Variants in ZNF516 observed in about 807,000 individuals in gnomAD.
ZNF516 encodes zinc finger protein 516.
Under a neutral mutation model 79.7 loss-of-function variants are expected in ZNF516, and 19 were observed. That is an observed-to-expected ratio of 0.24 (90% CI 0.17 to 0.35). The LOEUF (loss-of-function observed/expected upper bound fraction) is 0.35. Among genes scored for constraint, ZNF516 ranks in the 10% least tolerant of loss-of-function variants. ZNF516 has a pLI of 1.00. For synonymous variants in ZNF516, 877 were observed against 739.5 expected, an observed-to-expected ratio of 1.19 and a Z score of -3.02; for missense variants, 1,678 against 1,679.5, an observed-to-expected ratio of 1.00 and a Z score of 0.02.
chr18:76,408,895 C>T (rs1273294208), intron 3 of ZNF516, among the ~76,000 whole-genome samples: 3 of 152,230 alleles, frequency 2.0e-5, no homozygotes, highest in Admixed American at 2.0e-4. Context: ...GCTCAGGACA[C>T]TGACGAGAGC....
chr18:76,423,474 G>A lies in ZNF516; in HGVS notation c.1810+17771C>T, dbSNP rs184216499. Among the ~76,000 whole-genome samples the A allele has an allele frequency of 1.7e-4, 25 of 151,222 alleles. No individual in the cohort carries two copies. In the East Asian group the frequency reaches 3.2e-3, roughly 19 times the overall value. The stretch of plus-strand genomic sequence containing the variant: ...GAAACACACACATGCAGGCGAAAAG[G>A]TTCCCCCCTGAAACACACACATGCC... On this transcript the variant is annotated intron_variant, in intron 3 of 6. Coordinates refer to ENST00000443185, the MANE Select transcript of ZNF516 (RefSeq NM_014643.4).
At chr18:76,437,462 ACT>A (rs201723654) in intron 3 of ZNF516, among the ~76,000 whole-genome samples, 2,444 of 150,410 alleles carry the variant, frequency 0.016, 67 homozygotes, top group African/African-American at 0.057. Flanking sequence ...TTCTTTGAAG[ACT>A]CTTTCCTTGA....
intron 2 of ZNF516, among the ~76,000 whole-genome samples, chr18:76,446,154 A>T (rs1343673573): frequency 6.6e-6 from 1 of 151,966 alleles, no homozygotes; most frequent in East Asian, 1.9e-4. Flanking sequence ...CTCCTCTGTC[A>T]GGCACAGAGA....
Position 76,362,739 on chromosome 18 carries a change from G to A in ZNF516, c.3433-182C>T, listed in dbSNP as rs140351776. Among the ~76,000 whole-genome samples the A allele has an allele frequency of 9.5e-4, 144 of 152,334 alleles. 2 individuals are homozygous for A. The highest frequency in any genetic ancestry group is 3.3e-3 in the African/African-American group (136 of 41,570). On this transcript the variant is annotated intron_variant, in intron 6 of 6. Coordinates refer to ENST00000443185, the MANE Select transcript of ZNF516 (RefSeq NM_014643.4). The stretch of plus-strand genomic sequence containing the variant: ...AGCTGTAACTCATTTCATAAAATGA[G>A]CAGCAAGTATTTCAAATGTGCCTTC...
intron 3 of ZNF516, among the ~76,000 whole-genome samples, chr18:76,434,995 G>C (rs1483347312): frequency 6.6e-6 from 1 of 152,214 alleles, no homozygotes; most frequent in Admixed American, 6.5e-5. Flanking sequence ...CCGTGTTTGA[G>C]CAATGCACAC....
At chr18:76,495,722 C>T (rs1384726600), upstream of ZNF516, 1 of 1,182,730 alleles carries the variant, frequency 8.5e-7, no homozygotes, top group East Asian at 8.9e-5. Context: ...CGGGTCCCGC[C>T]GGCGGGTACC....
Position 76,442,145 on chromosome 18 carries a change from T to C in ZNF516, c.910A>G (p.Ser304Gly). ...HMKAHGPKTG[S>G]KNRPKSELDP... Reference sequence around the variant, plus strand: ...AGCTCACTCTTGGGCCTGTTCTTGCTGCCCGTCTTGGGGCCGTGCGCCTTC... The same window carrying C: ...AGCTCACTCTTGGGCCTGTTCTTGCCGCCCGTCTTGGGGCCGTGCGCCTTC... Residue 304 changes from serine to glycine, a missense_variant, in exon 3 of 7, where the codon AGC becomes GGC. This residue lies in a region of ZNF516 where 1,294 missense variants were observed against 1,248.3 expected (regional missense o/e 1.04). Coordinates refer to ENST00000443185, the MANE Select transcript of ZNF516 (RefSeq NM_014643.4). 2 of 1,613,990 alleles carry C rather than the reference T, an allele frequency of 1.2e-6. No homozygotes were observed. The highest frequency in any genetic ancestry group is 1.7e-6 in the Non-Finnish European group (2 of 1,179,880).
chr18:76,429,280 T>C (rs1403388684), intron 3 of ZNF516, among the ~76,000 whole-genome samples: 1 of 152,186 alleles, frequency 6.6e-6, no homozygotes, highest in African/African-American at 2.4e-5. Context: ...CAATGGCACA[T>C]GCAGGCACAT....
At chr18:76,419,518 C>T (rs903570870) in intron 3 of ZNF516, among the ~76,000 whole-genome samples, 6 of 152,196 alleles carry the variant, frequency 3.9e-5, no homozygotes, top group African/African-American at 1.4e-4. Context: ...GATCCGGCTG[C>T]GTCCCCACCC....
Position 76,378,977 on chromosome 18 carries a change from G to A in ZNF516, c.3137C>T (p.Pro1046Leu), listed in dbSNP as rs370924264. The A allele has an allele frequency of 3.0e-5, 49 of 1,613,476 alleles. No individual in the cohort carries two copies. Among genetic ancestry groups the A allele is most frequent in the Admixed American group, 1.2e-4 (7 of 60,012 alleles). ...PPVLHSIKQE[P>L]VAEGHEKRLD... is the part of the protein sequence containing the mutation. ...GCGCTTCTCATGCCCCTCGGCCACC[G>A]GCTCCTGTTTGATGGAGTGTAGGAC... Residue 1046 changes from proline (P) to leucine (L), a missense_variant, in exon 4 of 7, where the codon CCG (proline) becomes CTG (leucine). Physicochemically the swap from Pro to Leu is moderately conservative, Grantham distance 98 (BLOSUM62 -3). Around this residue, in one of 5 missense-constraint regions of ZNF516, gnomAD observed 1,294 missense variants for 1,248.3 expected, o/e 1.04. Coordinates refer to ENST00000443185, the MANE Select transcript of ZNF516 (RefSeq NM_014643.4).
At chr18:76,443,869 G>A (rs992812654) in intron 2 of ZNF516, among the ~76,000 whole-genome samples, 2 of 152,194 alleles carry the variant, frequency 1.3e-5, no homozygotes, top group African/African-American at 2.4e-5. Flanking sequence ...CCTAGAGATT[G>A]TGCCCAAGCC....
intron 3 of ZNF516, among the ~76,000 whole-genome samples, chr18:76,416,091 G>A (rs2075429822): frequency 6.6e-6 from 1 of 152,218 alleles, no homozygotes; most frequent in African/African-American, 2.4e-5. Context: ...AGGTCAACTT[G>A]TAGCACACAG....
Position 76,371,568 on chromosome 18 carries a change from G to A in ZNF516, c.3263C>T (p.Thr1088Ile). ...VSGPGLEHRG[T>I]LRTQARPGEF... is the part of the protein sequence containing the mutation. The stretch of plus-strand genomic sequence containing the variant: ...TCCTGGCCGGGCCTGCGTCCGGAGT[G>A]TCCCTGCGGTGGCGAGGTGGTGGTG... Residue 1088 changes from threonine (T) to isoleucine (I), a missense_variant, in exon 5 of 7, where the codon ACA (threonine) becomes ATA (isoleucine). Physicochemically the swap from Thr to Ile is moderately conservative, Grantham distance 89. Coordinates refer to ENST00000443185, the MANE Select transcript of ZNF516 (RefSeq NM_014643.4). 2 of 1,609,248 alleles carry A rather than the reference G, an allele frequency of 1.2e-6. No individual in the cohort carries two copies. The highest frequency in any genetic ancestry group is 1.7e-6 in the Non-Finnish European group (2 of 1,179,468).
At position 76,441,344 on chromosome 18, in the gene ZNF516, G is replaced by T. The variant is rs1463641279; in HGVS notation, c.1711C>A (p.Pro571Thr). 1 of 1,611,650 alleles carries T rather than the reference G, an allele frequency of 6.2e-7. No homozygotes were observed. Among genetic ancestry groups the T allele is most frequent in the East Asian group, 2.2e-5 (1 of 44,846 alleles). The change falls in exon 3 of 7, where the codon CCT becomes ACT. Residue 571 changes from proline to threonine, a missense_variant. Physicochemically the swap from Pro to Thr is conservative, Grantham distance 38. Around this residue, in one of 5 missense-constraint regions of ZNF516, gnomAD observed 1,294 missense variants for 1,248.3 expected, o/e 1.04. Coordinates refer to ENST00000443185, the MANE Select transcript of ZNF516 (RefSeq NM_014643.4). ...EGDSASQPSSPGSACAAADSP... is the reference protein window; with the variant it reads ...EGDSASQPSSTGSACAAADSP... ...TCAGCAGCGGCACAGGCGGAGCCAGGGCTGCTGGGCTGGGAGGCCGAGTCA... is the reference window on the plus strand; with the variant it reads ...TCAGCAGCGGCACAGGCGGAGCCAGTGCTGCTGGGCTGGGAGGCCGAGTCA...
At chr18:76,406,817 G>A (rs1320061675) in intron 3 of ZNF516, among the ~76,000 whole-genome samples, 3 of 152,176 alleles carry the variant, frequency 2.0e-5, no homozygotes, top group Non-Finnish European at 4.4e-5. Context: ...GACGGCCCAG[G>A]AGTGCAGAGT....
chr18:76,366,347 A>G (rs1023303022), intron 6 of ZNF516, among the ~76,000 whole-genome samples: 1 of 152,238 alleles, frequency 6.6e-6, no homozygotes, highest in Non-Finnish European at 1.5e-5. Flanking sequence ...TACAAAAACC[A>G]ACCATGTCTG....
At chr18:76,421,590 T>A (rs1322252221) in intron 3 of ZNF516, among the ~76,000 whole-genome samples, 1 of 152,154 alleles carries the variant, frequency 6.6e-6, no homozygotes, top group Non-Finnish European at 1.5e-5. Context: ...GAAGGGGAAA[T>A]GGGGCATAAG....
chr18:76,360,642 A>ATATATATATATATATATATATAT lies in ZNF516; in HGVS notation c.*1855_*1856insATATATATATATATATATATATA, dbSNP rs1269370085. On this transcript the variant is annotated 3_prime_UTR_variant, in exon 7 of 7. Transcript: ENST00000443185. ...TCAGAAAAAAATAAGTAAAAAAAAA[A>ATATATATATATATATATATATAT]AAAAATATATATATATATATATATA... The ATATATATATATATATATATATAT allele has an allele frequency of 9.3e-6, 1 of 107,056 alleles. No individual in the cohort carries two copies. The highest frequency in any genetic ancestry group is 3.4e-4 in the South Asian group (1 of 2,984). The allele number at this position is 107,056 out of a possible 1,614,324, so 6.6% of individuals were successfully genotyped here.
At chr18:76,377,110 G>A (rs1670278006) in intron 4 of ZNF516, among the ~76,000 whole-genome samples, 1 of 152,230 alleles carries the variant, frequency 6.6e-6, no homozygotes, top group Non-Finnish European at 1.5e-5. Flanking sequence ...AACTGAACGT[G>A]GAAAAAGTCA....
Sources: allele counts gnomAD v4.1 joint callset (sites outside exome capture counted in the v4.1 genomes callset), GRCh38; gene constraint gnomAD v4.1.1; regional missense constraint gnomAD v4.1.1; transcripts MANE v1.5; gene names NCBI Gene and HGNC (gene_info 2026-07-23, HGNC 2026-07-21).